Variants in GALNT13 observed in about 807,000 individuals in gnomAD.
GALNT13 encodes the protein UDP-GalNAc:polypeptide N-acetylgalactosaminyltransferase 13.
Under a neutral mutation model 64.2 loss-of-function variants are expected in GALNT13, and 28 were observed. The ratio of observed to expected loss-of-function variants is 0.44; its 90% confidence interval spans 0.32 to 0.60. The LOEUF is 0.60. Among genes scored for constraint, GALNT13 ranks in the 20% least tolerant of loss-of-function variants. GALNT13 has a pLI of 0.05. For missense variants in GALNT13, 577 were observed against 669.8 expected, an observed-to-expected ratio of 0.86 and a Z score of 1.53; for synonymous variants, 214 against 224.6, an observed-to-expected ratio of 0.95 and a Z score of 0.42.
At chr2:153,972,321 A>G (rs943357052) in intron 3 of GALNT13, among the ~76,000 whole-genome samples, 4 of 152,134 alleles carry the variant, frequency 2.6e-5, no homozygotes, top group Non-Finnish European at 5.9e-5. Flanking sequence ...GGCTTGTCCC[A>G]AATCGCAAAG....
At chr2:153,200,909 G>T in the GALNT13 span, among the ~76,000 whole-genome samples, 1 of 152,138 alleles carries the variant, frequency 6.6e-6, no homozygotes, top group Non-Finnish European at 1.5e-5. Flanking sequence ...AAAAAAGATG[G>T]GACTGAATCC....
chr2:153,381,352 G>A, the GALNT13 span, among the ~76,000 whole-genome samples: 1 of 151,988 alleles, frequency 6.6e-6, no homozygotes, highest in Non-Finnish European at 1.5e-5. Context: ...TTTAAGGGCT[G>A]GTAGAAGTGG....
chr2:153,602,701 A>G, the GALNT13 span, among the ~76,000 whole-genome samples: 2 of 151,782 alleles, frequency 1.3e-5, no homozygotes, highest in Non-Finnish European at 3.0e-5. Flanking sequence ...GGCTTTGGAG[A>G]TCATAGTAGG....
At position 154,350,313 on chromosome 2, in the gene GALNT13, C is replaced by A. The variant is rs760979777; in HGVS notation, c.1157-45678C>A. ...GCACCATTTAAATCAGCTGCCAGCA[C>A]AGCTAGAATAAAGCAGGCAGAAGAA... On this transcript the variant is annotated intron_variant, in intron 9 of 12. Coordinates refer to ENST00000392825, the MANE Select transcript of GALNT13 (RefSeq NM_052917.4). Among the ~76,000 whole-genome samples, 103 of 152,290 alleles carry A rather than the reference C, an allele frequency of 6.8e-4. 1 individual carries two copies. Among genetic ancestry groups the A allele is most frequent in the South Asian group, 5.4e-3 (26 of 4,826 alleles).
chr2:153,539,492 C>T, the GALNT13 span, among the ~76,000 whole-genome samples: 1 of 151,838 alleles, frequency 6.6e-6, no homozygotes, highest in East Asian at 1.9e-4. Flanking sequence ...AATGGTAATG[C>T]CTAGGTTTTC....
the GALNT13 span, among the ~76,000 whole-genome samples, chr2:153,823,014 C>T: frequency 6.6e-6 from 1 of 152,132 alleles, no homozygotes; most frequent in African/African-American, 2.4e-5. Flanking sequence ...AACATATTCT[C>T]ATTTACAACT....
At chr2:153,887,220 C>A (rs905295847) in intron 1 of GALNT13, among the ~76,000 whole-genome samples, 1 of 151,520 alleles carries the variant, frequency 6.6e-6, no homozygotes, top group Non-Finnish European at 1.5e-5. Flanking sequence ...GTTGAGGTGA[C>A]AATGCATGAA....
At chr2:154,319,929 T>G (rs986835808) in intron 9 of GALNT13, among the ~76,000 whole-genome samples, 15 of 152,112 alleles carry the variant, frequency 9.9e-5, no homozygotes, top group African/African-American at 3.6e-4. Context: ...TTCTTAGTTA[T>G]AGCAGACATA....
the GALNT13 span, among the ~76,000 whole-genome samples, chr2:153,318,078 C>T: frequency 6.7e-6 from 1 of 148,176 alleles, no homozygotes; most frequent in African/African-American, 2.5e-5. Context: ...AAAACATGTG[C>T]TAATATCTTT....
At chr2:153,220,353 G>A in the GALNT13 span, among the ~76,000 whole-genome samples, 7 of 152,182 alleles carry the variant, frequency 4.6e-5, no homozygotes, top group Non-Finnish European at 8.8e-5. Context: ...ACTGGTAATC[G>A]GCAGCTTTCA....
the GALNT13 span, among the ~76,000 whole-genome samples, chr2:153,276,350 C>G: frequency 9.9e-5 from 15 of 152,110 alleles, no homozygotes; most frequent in South Asian, 3.1e-3. Flanking sequence ...AAAGCATCCT[C>G]TTGAAAAACA....
chr2:153,809,201 G>A, the GALNT13 span, among the ~76,000 whole-genome samples: 4 of 151,916 alleles, frequency 2.6e-5, no homozygotes, highest in Non-Finnish European at 5.9e-5. Flanking sequence ...TTTTATCATC[G>A]AATCTTTCAG....
chr2:154,300,822 A>G (rs1043540715), intron 8 of GALNT13, among the ~76,000 whole-genome samples: 4 of 152,188 alleles, frequency 2.6e-5, no homozygotes, highest in African/African-American at 9.7e-5. Flanking sequence ...CATGCTTAAA[A>G]TAAAAAAGGT....
chr2:153,854,431 A>G, the GALNT13 span, among the ~76,000 whole-genome samples: 2 of 151,976 alleles, frequency 1.3e-5, no homozygotes, highest in African/African-American at 2.4e-5. Context: ...AATACAAAAA[A>G]TTAGCCAGGC....
the GALNT13 span, among the ~76,000 whole-genome samples, chr2:153,843,064 TA>T: frequency 0.71 from 107,627 of 151,732 alleles, 39,909 homozygotes; most frequent in Non-Finnish European, 0.81. Context: ...CATAGGGGAT[TA>T]AAAAAAAAGA....
chr2:153,781,256 C>A, the GALNT13 span, among the ~76,000 whole-genome samples: 1 of 152,124 alleles, frequency 6.6e-6, no homozygotes, highest in Admixed American at 6.6e-5. Context: ...GGATTGAGAA[C>A]AATTGTGATG....
rs1684715942 is a variant in GALNT13 at position 154,161,410 on chromosome 2, C to G, written c.311+20905C>G. On this transcript the variant is annotated intron_variant, in intron 4 of 12. Transcript: ENST00000392825. ...ATAAATGTGAGTCCCACACTGGTAT[C>G]ATTTTAGGGAGTTCAGAATTGGTAT... is the stretch of plus-strand genomic sequence containing the variant. Among the ~76,000 whole-genome samples the G allele has an allele frequency of 3.3e-5, 5 of 152,024 alleles. No homozygotes were observed. The South Asian group carries it at 1.0e-3, about 32-fold the overall frequency.
At chr2:153,083,258 CT>C in the GALNT13 span, among the ~76,000 whole-genome samples, 1 of 152,112 alleles carries the variant, frequency 6.6e-6, no homozygotes, top group African/African-American at 2.4e-5. Context: ...GGTAGTTTTA[CT>C]TTTAGTTCTT....
intron 3 of GALNT13, among the ~76,000 whole-genome samples, chr2:154,081,455 C>G (rs1170426275): frequency 1.3e-5 from 2 of 151,534 alleles, no homozygotes; most frequent in Non-Finnish European, 3.0e-5. Context: ...CTCATCATTT[C>G]CCTCAATGTG....
Sources: allele counts gnomAD v4.1 joint callset (sites outside exome capture counted in the v4.1 genomes callset), GRCh38; gene constraint gnomAD v4.1.1; transcripts MANE v1.5; gene names NCBI Gene and HGNC (gene_info 2026-07-23, HGNC 2026-07-21).